The following KLF8 variants were observed in gnomAD, a reference collection of about 807,000 sequenced individuals.
The protein encoded by KLF8 is KLF transcription factor 8.
Under a neutral mutation model 18.2 loss-of-function variants are expected in KLF8, and 10 were observed. The observed-to-expected ratio is 0.55, with a 90% CI of 0.34 to 0.93. The LOEUF is 0.93. KLF8 is among the 40% of genes least tolerant of loss of function. The probability of loss-of-function intolerance (pLI) is 0.02; values close to 1 mark genes in which losing one functional copy is unlikely to be tolerated. For synonymous variants in KLF8, 109 were observed against 97.3 expected (o/e 1.12, Z -0.71); for missense variants, 264 against 277.9 (o/e 0.95, Z 0.36).
the KLF8 span, among the ~76,000 whole-genome samples, chrX:55,936,796 C>T: frequency 6.4e-5 from 7 of 110,137 alleles, no homozygotes; most frequent in African/African-American, 2.3e-4. Context: ...AGGGGTCTGA[C>T]ATCAAACTGC....
At chrX:56,183,427 C>A in the KLF8 span, among the ~76,000 whole-genome samples, 1 of 111,981 alleles carries the variant, frequency 8.9e-6, no homozygotes, top group South Asian at 3.7e-4. Context: ...CCTGGTGAGG[C>A]GGTGCCCTGC....
At chrX:56,160,764 AT>A in the KLF8 span, among the ~76,000 whole-genome samples, 3 of 110,341 alleles carry the variant, frequency 2.7e-5, no homozygotes, top group African/African-American at 9.9e-5. Context: ...CCATCCCTTT[AT>A]TTTGAGCCTA....
intron 1 of KLF8, among the ~76,000 whole-genome samples, chrX:56,240,759 A>G (rs773893714): frequency 8.9e-6 from 1 of 111,845 alleles, no homozygotes; most frequent in Non-Finnish European, 1.9e-5. Flanking sequence ...TTGGTATCAA[A>G]CATCATACCT....
the KLF8 span, among the ~76,000 whole-genome samples, chrX:56,096,700 A>C: frequency 2.7e-5 from 3 of 111,610 alleles, no homozygotes; most frequent in Non-Finnish European, 5.7e-5. Flanking sequence ...ACAATAGGGA[A>C]TATCAACAAA....
At chrX:56,052,875 G>T in the KLF8 span, among the ~76,000 whole-genome samples, 22 of 111,483 alleles carry the variant, frequency 2.0e-4, no homozygotes, top group South Asian at 7.6e-4. Context: ...GCCTCCTGCG[G>T]CCTTGCAGTT....
chrX:55,932,398 T>C, the KLF8 span, among the ~76,000 whole-genome samples: 1 of 111,430 alleles, frequency 9.0e-6, no homozygotes, highest in Non-Finnish European at 1.9e-5. Flanking sequence ...TGTGTAAATT[T>C]GATTCTGTCA....
intron 2 of KLF8, among the ~76,000 whole-genome samples, chrX:56,258,227 A>G (rs774169889): frequency 8.9e-6 from 1 of 112,553 alleles, no homozygotes; most frequent in Middle Eastern, 4.2e-3. Flanking sequence ...ACTTGTAATA[A>G]AAAATACTCT....
At chrX:56,192,670 G>A in the KLF8 span, among the ~76,000 whole-genome samples, 1 of 111,946 alleles carries the variant, frequency 8.9e-6, no homozygotes, top group Non-Finnish European at 1.9e-5. Flanking sequence ...TATCTACAGT[G>A]AAGTCATTTT....
chrX:56,160,305 C>T, the KLF8 span, among the ~76,000 whole-genome samples: 1 of 111,739 alleles, frequency 8.9e-6, no homozygotes, highest in Non-Finnish European at 1.9e-5. Flanking sequence ...ACCTTTACTT[C>T]CAACTATGTG....
chrX:55,946,377 A>C, the KLF8 span, among the ~76,000 whole-genome samples: 70 of 111,656 alleles, frequency 6.3e-4, no homozygotes, highest in South Asian at 1.5e-3. Context: ...GAAAAACAAG[A>C]AATGGGGAAA....
At chrX:56,182,785 A>T in the KLF8 span, among the ~76,000 whole-genome samples, 1 of 112,491 alleles carries the variant, frequency 8.9e-6, no homozygotes, top group Non-Finnish European at 1.9e-5. Context: ...CAGAGCAGAA[A>T]ATATTGCAGA....
At chrX:56,042,163 C>A in the KLF8 span, among the ~76,000 whole-genome samples, 5 of 112,086 alleles carry the variant, frequency 4.5e-5, no homozygotes, top group Non-Finnish European at 7.5e-5. Flanking sequence ...GCAGGTTGTT[C>A]AATTTCCATG....
the KLF8 span, chrX:55,962,310 T>C: frequency 5.4e-6 from 1 of 185,119 alleles, no homozygotes; most frequent in Non-Finnish European, 1.1e-5. Flanking sequence ...TGGCAACACA[T>C]AACTGACAAA....
At chrX:56,141,906 A>G in the KLF8 span, among the ~76,000 whole-genome samples, 1 of 112,114 alleles carries the variant, frequency 8.9e-6, no homozygotes, top group Non-Finnish European at 1.9e-5. Flanking sequence ...AACTATTACC[A>G]AAACTTCACC....
intron 1 of KLF8, among the ~76,000 whole-genome samples, chrX:56,248,170 G>T (rs1417484094): frequency 8.1e-5 from 9 of 110,551 alleles, no homozygotes; most frequent in Non-Finnish European, 1.7e-4. Flanking sequence ...GGGGTGGGGG[G>T]AGAGCGGAGG....
the KLF8 span, among the ~76,000 whole-genome samples, chrX:56,147,453 C>CA: frequency 2.8e-4 from 31 of 110,971 alleles, 1 homozygote; most frequent in African/African-American, 8.8e-4. Context: ...TGTGCAAAAA[C>CA]AAAAAACAAA....
chrX:56,251,793 G>A (rs770623252), intron 2 of KLF8, among the ~76,000 whole-genome samples: 7 of 110,766 alleles, frequency 6.3e-5, no homozygotes, highest in Non-Finnish European at 1.1e-4. Context: ...CATAGTAGGC[G>A]TATATATTTA....
the KLF8 span, among the ~76,000 whole-genome samples, chrX:56,059,113 C>A: frequency 7.1e-5 from 8 of 112,147 alleles, no homozygotes; most frequent in African/African-American, 2.3e-4. Flanking sequence ...TGATGATGAG[C>A]TTTTTTTCAT....
At chrX:56,130,689 T>C in the KLF8 span, among the ~76,000 whole-genome samples, 1 of 111,785 alleles carries the variant, frequency 8.9e-6, no homozygotes, top group Non-Finnish European at 1.9e-5. Context: ...GAATTCAGAC[T>C]GTCAATTATT....
Sources: gnomAD v4.1 joint callset for allele counts (sites outside exome capture counted in the v4.1 genomes callset) on GRCh38, gnomAD v4.1.1 for gene constraint, MANE v1.5 for transcripts, NCBI Gene and HGNC (gene_info 2026-07-23, HGNC 2026-07-21) for gene names.